The following EML4 variants were observed in gnomAD, a reference collection of about 807,000 sequenced individuals.
The protein encoded by EML4 is EMAP like 4, also known as echinoderm microtubule-associated protein-like 4.
Under a neutral mutation model 129.0 loss-of-function variants are expected in EML4, and 72 were observed. The ratio of observed to expected loss-of-function variants is 0.56; its 90% CI spans 0.46 to 0.68. EML4 has a LOEUF of 0.68. EML4 is among the 30% of genes least tolerant of loss of function. EML4 has a pLI of 0.00. For synonymous variants in EML4, 532 were observed against 405.0 expected (o/e 1.31, Z -3.77); for missense variants, 1,363 against 1,190.6 (o/e 1.14, Z -2.13).
chr2:42,323,166 A>T (rs1669607073), intron 19 of EML4, among the ~76,000 whole-genome samples: 1 of 152,184 alleles, frequency 6.6e-6, no homozygotes, highest in Non-Finnish European at 1.5e-5. Context: ...AAATTCTCAG[A>T]GGCCTGTACT....
intron 1 of EML4, among the ~76,000 whole-genome samples, chr2:42,217,506 A>ACTT (rs1673273789): frequency 6.6e-6 from 1 of 152,204 alleles, no homozygotes. Context: ...AACTTCAGAT[A>ACTT]CTTGAAACCT....
chr2:42,252,683 C>G (rs914363475), intron 2 of EML4, among the ~76,000 whole-genome samples: 3 of 152,158 alleles, frequency 2.0e-5, no homozygotes, highest in African/African-American at 7.2e-5. Flanking sequence ...CATACACTCT[C>G]TTTGCTGTTA....
chr2:42,261,581 T>G, intron 4 of EML4: 1 of 246,890 alleles, frequency 4.1e-6, no homozygotes, highest in Non-Finnish European at 7.7e-6. Flanking sequence ...AACAATATTT[T>G]CTTAACCACA....
intron 1 of EML4, among the ~76,000 whole-genome samples, chr2:42,196,465 T>A (rs1671901524): frequency 1.3e-5 from 2 of 152,174 alleles, no homozygotes; most frequent in African/African-American, 4.8e-5. Context: ...AACAGCAGAA[T>A]TTGAGACCAT....
At chr2:42,295,346 A>C in intron 12 of EML4, 35 bp from the exon 13 acceptor site, 1 of 1,606,688 alleles carries the variant, frequency 6.2e-7, no homozygotes, top group Non-Finnish European at 8.5e-7. Context: ...GTCATGGCAA[A>C]AAGAAAACTG....
chr2:42,245,457 C>T (rs756716731), intron 1 of EML4, 48 bp from the exon 2 acceptor site: 1 of 1,478,392 alleles, frequency 6.8e-7, no homozygotes, highest in Middle Eastern at 2.2e-4. Flanking sequence ...GAAATTACTT[C>T]TCAAGCAGTT....
At chr2:42,302,577 A>C (rs141795092) in intron 14 of EML4, among the ~76,000 whole-genome samples, 2,942 of 148,870 alleles carry the variant, frequency 0.02, 110 homozygotes, top group African/African-American at 0.068. Flanking sequence ...TCTGTCGCCC[A>C]GGCTGGAATA....
At chr2:42,242,092 G>A (rs1675076068) in intron 1 of EML4, among the ~76,000 whole-genome samples, 1 of 151,884 alleles carries the variant, frequency 6.6e-6, no homozygotes, top group Admixed American at 6.6e-5. Context: ...ATCAAAGTTT[G>A]TAAAAGTTTG....
chr2:42,206,081 A>G (rs746692375), intron 1 of EML4, among the ~76,000 whole-genome samples: 19 of 152,216 alleles, frequency 1.2e-4, no homozygotes, highest in Non-Finnish European at 2.8e-4. Flanking sequence ...GACATTTCTT[A>G]TAAAAGTAAG....
intron 17 of EML4, among the ~76,000 whole-genome samples, chr2:42,306,602 C>T (rs1668616629): frequency 6.7e-6 from 1 of 148,526 alleles, no homozygotes; most frequent in African/African-American, 2.5e-5. Context: ...ACGCCATTCT[C>T]CTGCCTCAGC....
chr2:42,169,885 C>A, intron 1 of EML4: 1 of 417,690 alleles, frequency 2.4e-6, no homozygotes, highest in Non-Finnish European at 4.3e-6. Context: ...GGCCCTCGTT[C>A]CCCCAAAGTG....
At position 42,223,044 on chromosome 2, in the gene EML4, C is replaced by T. The variant is rs542541521; in HGVS notation, c.26-22461C>T. On this transcript the variant is annotated intron_variant, in intron 1 of 22. Transcript: ENST00000318522. ...TCGATCTCCTGACCTCGTGATCCGC[C>T]CTCCACCCCTTCGGCCTCCCAAAGT... Among the ~76,000 whole-genome samples, 10 of 152,104 alleles carry T rather than the reference C, an allele frequency of 6.6e-5. 1 individual carries two copies. In the East Asian group the frequency reaches 1.9e-3, roughly 29 times the overall value.
intron 1 of EML4, among the ~76,000 whole-genome samples, chr2:42,227,388 T>A (rs776904831): frequency 6.6e-6 from 1 of 152,042 alleles, no homozygotes; most frequent in Non-Finnish European, 1.5e-5. Context: ...ATTACTGGCA[T>A]GAACCACTGT....
At chr2:42,288,705 A>T (rs754957695) in intron 11 of EML4, 1 of 153,942 alleles carries the variant, frequency 6.5e-6, no homozygotes, top group Non-Finnish European at 1.4e-5. Context: ...AATACGACTG[A>T]TGTAACTGAA....
chr2:42,172,739 A>G (rs866395822), intron 1 of EML4, among the ~76,000 whole-genome samples: 1 of 152,162 alleles, frequency 6.6e-6, no homozygotes, highest in East Asian at 1.9e-4. Context: ...ACCCATGTGC[A>G]AAATGTATAT....
At chr2:42,276,384 T>C (rs920061566) in intron 6 of EML4, among the ~76,000 whole-genome samples, 1 of 152,190 alleles carries the variant, frequency 6.6e-6, no homozygotes, top group African/African-American at 2.4e-5. Flanking sequence ...GGTATTCGAA[T>C]ACAGTGTCCC....
intron 8 of EML4, 67 bp from the exon 9 acceptor site, chr2:42,284,567 C>A: frequency 9.5e-7 from 1 of 1,048,334 alleles, no homozygotes; most frequent in Non-Finnish European, 1.4e-6. Flanking sequence ...TGAAAAATGT[C>A]AGTACAAAGG....
Position 42,331,457 on chromosome 2 carries a change from C to A in EML4, c.*1250C>A. ...GCTATGGTTTTCAGTACATTTCCTA[C>A]TTTAAGAGTAATTACTGACAAATAT... On this transcript the variant is annotated 3_prime_UTR_variant, in exon 23 of 23. Coordinates refer to ENST00000318522, the MANE Select transcript of EML4 (RefSeq NM_019063.5). 4.5e-6 allele frequency: 1 copy of A among 222,976 alleles called. No homozygotes were observed. The highest frequency in any genetic ancestry group is 9.0e-6 in the Non-Finnish European group (1 of 111,376). The allele number at this position is 222,976 out of a possible 1,614,324, so 13.8% of individuals were successfully genotyped here. A position where few individuals can be genotyped will look rare whatever the true frequency, so the allele number is the denominator to read the frequency against.
At chr2:42,213,972 A>G (rs1018417518) in intron 1 of EML4, among the ~76,000 whole-genome samples, 1 of 152,204 alleles carries the variant, frequency 6.6e-6, no homozygotes, top group Non-Finnish European at 1.5e-5. Context: ...AGTACCTATT[A>G]TGTGTGTAGT....
Sources: allele counts gnomAD v4.1 joint callset (sites outside exome capture counted in the v4.1 genomes callset), GRCh38; gene constraint gnomAD v4.1.1; transcripts MANE v1.5; gene names NCBI Gene and HGNC (gene_info 2026-07-23, HGNC 2026-07-21).